TMED5: variants seen among roughly 807,000 people sequenced by gnomAD.
The protein encoded by TMED5 is transmembrane emp24 domain-containing protein 5.
Under a neutral mutation model 23.0 loss-of-function variants are expected in TMED5, and 27 were observed. That is an observed-to-expected ratio of 1.17 (90% CI 0.86 to 1.62). The LOEUF (loss-of-function observed/expected upper bound fraction) is 1.62. Among genes scored for constraint, TMED5 ranks in the 40% most tolerant of loss-of-function variants. The probability of loss-of-function intolerance (pLI) is 0.00; values close to 1 mark genes in which losing one functional copy is unlikely to be tolerated. For missense variants in TMED5, 248 were observed against 273.7 expected, an observed-to-expected ratio of 0.91 and a Z score of 0.66; for synonymous variants, 97 against 100.8, an observed-to-expected ratio of 0.96 and a Z score of 0.23.
In TMED5 at chr1:93,150,678, T is replaced by A. The variant is rs1433604395; in HGVS notation, c.*3992A>T. ...TTCTGCAATGGTATTACGTGTCCTT[T>A]TAGAATTGAAATCAAGGGTAGAAAG... On this transcript the variant is annotated 3_prime_UTR_variant, in exon 4 of 4. Transcript: ENST00000370282. The A allele has an allele frequency of 2.0e-5, 3 of 152,228 alleles. No individual in the cohort carries two copies. The highest frequency in any genetic ancestry group is 4.4e-5 in the Non-Finnish European group (3 of 68,040). The allele number at this position is 152,228 out of a possible 1,614,324, so 9.4% of individuals were successfully genotyped here. A position where few individuals can be genotyped will look rare whatever the true frequency, so the allele number is the denominator to read the frequency against.
chr1:93,169,655 A>G (rs1648634534), intron 1 of TMED5, among the ~76,000 whole-genome samples: 1 of 151,954 alleles, frequency 6.6e-6, no homozygotes, highest in South Asian at 2.1e-4. Context: ...AAACTAACAA[A>G]CCTCTAGTCA....
chr1:93,169,882 T>TACACACACACACACACACACACAC (rs59467244), intron 1 of TMED5, among the ~76,000 whole-genome samples: 4 of 130,498 alleles, frequency 3.1e-5, no homozygotes, highest in South Asian at 2.8e-4. Flanking sequence ...ACCCTGTCTG[T>TACACACACACACACACACACACAC]ACACACACAC....
chr1:93,164,458 A>G (rs531113999), intron 1 of TMED5, among the ~76,000 whole-genome samples: 2 of 152,204 alleles, frequency 1.3e-5, no homozygotes, highest in East Asian at 3.9e-4. Context: ...AAAAGGGTTA[A>G]TTTTTTTAAA....
chr1:93,167,652 T>A (rs1274661021), intron 1 of TMED5, among the ~76,000 whole-genome samples: 1 of 152,220 alleles, frequency 6.6e-6, no homozygotes, highest in Non-Finnish European at 1.5e-5. Flanking sequence ...ATAGCTTTTT[T>A]TATGGAGTCT....
At chr1:93,156,509 A>C in intron 2 of TMED5, 26 bp from the exon 3 acceptor site, 2 of 1,572,252 alleles carry the variant, frequency 1.3e-6, no homozygotes, top group Non-Finnish European at 1.7e-6. Context: ...TACATGTTTT[A>C]AGTTACCTGT....
At chr1:93,174,533 G>T (rs538284469) in intron 1 of TMED5, among the ~76,000 whole-genome samples, 1 of 152,154 alleles carries the variant, frequency 6.6e-6, no homozygotes, top group African/African-American at 2.4e-5. Flanking sequence ...GGTTACATAG[G>T]TAAACGTGTT....
At position 93,180,177 on chromosome 1, in the gene TMED5, C is replaced by A. The variant is rs535235504; in HGVS notation, c.66G>T (p.Leu22=). Residue 22 remains leucine (L), a synonymous_variant, in exon 1 of 4, where the codon CTG becomes CTT. Transcript: ENST00000370282. ...AAGGTGTGAAGCCGGCCGCCCCAGG[C>A]AGCAGCACCGGAGGCAGAGCGGCCA... is the stretch of plus-strand genomic sequence containing the variant. ...LLLAALPPVL[L]PGAAGFTPSL... 1 of 1,613,512 alleles carries A rather than the reference C, an allele frequency of 6.2e-7. No homozygotes were observed. The highest frequency in any genetic ancestry group is 1.3e-5 in the African/African-American group (1 of 74,982).
intron 2 of TMED5, among the ~76,000 whole-genome samples, chr1:93,159,691 T>G (rs1023420864): frequency 1.3e-5 from 2 of 152,002 alleles, no homozygotes; most frequent in Admixed American, 6.5e-5. Flanking sequence ...AAAAAAAAAT[T>G]TACGTACACA....
Position 93,152,658 on chromosome 1 carries a change from G to GAGTAC in TMED5, c.*2007_*2011dup, listed in dbSNP as rs1302582139. 1 of 152,632 alleles carries GAGTAC rather than the reference G, an allele frequency of 6.6e-6. No homozygotes were observed. The highest frequency in any genetic ancestry group is 2.4e-5 in the African/African-American group (1 of 41,446). The allele number at this position is 152,632 out of a possible 1,614,324, so 9.5% of individuals were successfully genotyped here. ...ATTCATTGTTAGGTAAGGAGTCAGA[G>GAGTAC]AGTACAGTACAGTAACAGCCATACA... On this transcript the variant is annotated 3_prime_UTR_variant, in exon 4 of 4. Coordinates refer to ENST00000370282, the MANE Select transcript of TMED5 (RefSeq NM_016040.5).
chr1:93,156,068 AT>A, intron 3 of TMED5: 1 of 1,472,676 alleles, frequency 6.8e-7, no homozygotes, highest in Non-Finnish European at 9.1e-7. Flanking sequence ...ATCTGAAGCT[AT>A]TTTTATAATA....
chr1:93,174,627 C>T (rs928244319), intron 1 of TMED5, among the ~76,000 whole-genome samples: 2 of 152,164 alleles, frequency 1.3e-5, no homozygotes, highest in African/African-American at 4.8e-5. Flanking sequence ...CTTTTCTGTG[C>T]CTCTCTGTCC....
At position 93,162,332 on chromosome 1, in the gene TMED5, C is replaced by T. The variant is rs373064418; in HGVS notation, c.190-2106G>A. 4 of 152,370 alleles carry T rather than the reference C, an allele frequency of 2.6e-5. No individual in the cohort carries two copies. In the East Asian group the frequency reaches 5.8e-4, roughly 22 times the overall value. 9.4% of individuals were successfully genotyped at this position (152,370 alleles called of 1,614,324 possible). On this transcript the variant is annotated intron_variant, in intron 1 of 3. Coordinates refer to ENST00000370282, the MANE Select transcript of TMED5 (RefSeq NM_016040.5). Reference sequence around the variant, plus strand: ...AATCTATAGGCTGGGTGCGGTGGCTCATGCCTGTAATCCCAGCACTTTGGG... The same window carrying T: ...AATCTATAGGCTGGGTGCGGTGGCTTATGCCTGTAATCCCAGCACTTTGGG...
Position 93,150,736 on chromosome 1 carries a change from A to G in TMED5, c.*3934T>C, listed in dbSNP as rs1055250411. On this transcript the variant is annotated 3_prime_UTR_variant, in exon 4 of 4. Coordinates refer to ENST00000370282, the MANE Select transcript of TMED5 (RefSeq NM_016040.5). ...TTAGTCCAGCCTCCCATTTCATATTAGCTGTAGTAACAATCCCCTTTACAA... is the reference window on the plus strand; with the variant it reads ...TTAGTCCAGCCTCCCATTTCATATTGGCTGTAGTAACAATCCCCTTTACAA... 2.0e-5 allele frequency: 3 copies of G among 152,228 alleles called. No homozygotes were observed. The highest frequency in any genetic ancestry group is 7.2e-5 in the African/African-American group (3 of 41,456). The allele number at this position is 152,228 out of a possible 1,614,324, so 9.4% of individuals were successfully genotyped here.
intron 1 of TMED5, among the ~76,000 whole-genome samples, chr1:93,168,819 A>G (rs538047861): frequency 2.0e-5 from 3 of 152,330 alleles, no homozygotes; most frequent in East Asian, 1.9e-4. Context: ...TGGGCGACAG[A>G]GCGAGCAAGA....
rs1571275502 is a variant in TMED5 at position 93,162,691 on chromosome 1, G to A, written c.190-2465C>T. The A allele has an allele frequency of 2.6e-5, 4 of 152,128 alleles. No homozygotes were observed. The South Asian group carries it at 8.3e-4, about 32-fold the overall frequency. The allele number at this position is 152,128 out of a possible 1,614,324, so 9.4% of individuals were successfully genotyped here. A position where few individuals can be genotyped will look rare whatever the true frequency, so the allele number is the denominator to read the frequency against. On this transcript the variant is annotated intron_variant, in intron 1 of 3. Coordinates refer to ENST00000370282, the MANE Select transcript of TMED5 (RefSeq NM_016040.5). ...GAAAGGATCTAATAAATGTGAAGCA[G>A]GATAAATGAAAAAAGACCATAAAAT...
At chr1:93,157,832 A>C (rs1024303653) in intron 2 of TMED5, among the ~76,000 whole-genome samples, 1 of 152,210 alleles carries the variant, frequency 6.6e-6, no homozygotes, top group Non-Finnish European at 1.5e-5. Context: ...TGTTTAAAAA[A>C]CAGATTTGTA....
At chr1:93,156,260 G>A (rs2101125986) in intron 3 of TMED5, 40 bp downstream of exon 3, 1 of 1,548,772 alleles carries the variant, frequency 6.5e-7, no homozygotes, top group East Asian at 2.2e-5. Context: ...AAGGCCTCTG[G>A]CTGTTAATAA....
chr1:93,156,791 G>C (rs372149495), intron 2 of TMED5, among the ~76,000 whole-genome samples: 1 of 113,622 alleles, frequency 8.8e-6, no homozygotes, highest in African/African-American at 3.4e-5. Flanking sequence ...CTGGGCAACA[G>C]AGCAAGATCC....
chr1:93,179,768 C>G (rs1649202385), intron 1 of TMED5, among the ~76,000 whole-genome samples: 1 of 152,254 alleles, frequency 6.6e-6, no homozygotes, highest in Non-Finnish European at 1.5e-5. Flanking sequence ...AATTAGGAAA[C>G]AAAGAGAAAA....
Sources: allele counts gnomAD v4.1 joint callset (sites outside exome capture counted in the v4.1 genomes callset), GRCh38; gene constraint gnomAD v4.1.1; transcripts MANE v1.5; gene names NCBI Gene and HGNC (gene_info 2026-07-23, HGNC 2026-07-21).